The following XRCC4 variants were observed in gnomAD, a reference collection of about 807,000 sequenced individuals.
XRCC4 encodes the protein X-ray repair cross complementing 4, also known as DNA repair protein XRCC4.
In XRCC4, 28 loss-of-function variants were observed where a neutral mutation model predicts 39.1. The observed-to-expected ratio is 0.72, with a 90% confidence interval of 0.53 to 0.98. The LOEUF is 0.98. Ranked by LOEUF, XRCC4 falls within the 50% of genes least tolerant of loss-of-function variation. The pLI is 0.00. For synonymous variants in XRCC4, 123 were observed against 126.4 expected (o/e 0.97, Z 0.18); for missense variants, 350 against 376.4 (o/e 0.93, Z 0.58).
At chr5:83,238,729 A>C (rs969902558) in intron 6 of XRCC4, among the ~76,000 whole-genome samples, 2 of 152,112 alleles carry the variant, frequency 1.3e-5, no homozygotes. Context: ...TTTATTTTTC[A>C]TAAAAGAAGT....
intron 3 of XRCC4, among the ~76,000 whole-genome samples, chr5:83,158,012 T>C (rs1485171699): frequency 6.6e-6 from 1 of 152,116 alleles, no homozygotes; most frequent in Non-Finnish European, 1.5e-5. Context: ...GTACATTATA[T>C]GGGTAATATT....
At chr5:83,292,881 T>C (rs1358953070) in intron 7 of XRCC4, among the ~76,000 whole-genome samples, 1 of 151,974 alleles carries the variant, frequency 6.6e-6, no homozygotes, top group Non-Finnish European at 1.5e-5. Context: ...TTAGTTTTTA[T>C]GAAAAGAAGA....
At chr5:83,126,422 A>G (rs966004100) in intron 3 of XRCC4, among the ~76,000 whole-genome samples, 3 of 151,892 alleles carry the variant, frequency 2.0e-5, no homozygotes, top group Non-Finnish European at 4.4e-5. Flanking sequence ...TTTTGTTGTT[A>G]TTGTTGTTTG....
intron 7 of XRCC4, among the ~76,000 whole-genome samples, chr5:83,281,101 C>G (rs920670068): frequency 3.9e-5 from 6 of 152,206 alleles, no homozygotes; most frequent in African/African-American, 1.4e-4. Flanking sequence ...GTATAGTTAG[C>G]TATAAGAATA....
chr5:83,302,464 G>C (rs151251244), intron 7 of XRCC4, among the ~76,000 whole-genome samples: 1 of 152,106 alleles, frequency 6.6e-6, no homozygotes, highest in Non-Finnish European at 1.5e-5. Context: ...GATCCCTTGC[G>C]CTTCCCAGGT....
intron 6 of XRCC4, among the ~76,000 whole-genome samples, chr5:83,209,706 A>G (rs1390850244): frequency 6.6e-6 from 1 of 152,076 alleles, no homozygotes; most frequent in East Asian, 1.9e-4. Context: ...TATAATCAGT[A>G]TTTCAAAATT....
intron 3 of XRCC4, among the ~76,000 whole-genome samples, chr5:83,123,769 T>C (rs1050413186): frequency 2.0e-5 from 3 of 152,130 alleles, no homozygotes; most frequent in African/African-American, 7.2e-5. Flanking sequence ...TGAAGTGATA[T>C]ACTACTTCAC....
At chr5:83,141,798 A>T (rs976071046) in intron 3 of XRCC4, among the ~76,000 whole-genome samples, 1 of 151,970 alleles carries the variant, frequency 6.6e-6, no homozygotes, top group African/African-American at 2.4e-5. Flanking sequence ...CCAAAATATT[A>T]ATCTGGAACA....
intron 7 of XRCC4, among the ~76,000 whole-genome samples, chr5:83,286,423 A>G (rs1403620375): frequency 1.3e-5 from 2 of 152,164 alleles, no homozygotes; most frequent in Admixed American, 1.3e-4. Flanking sequence ...GATGGCAATA[A>G]TAAGAGCAGC....
At chr5:83,227,781 T>C (rs1381786987) in intron 6 of XRCC4, among the ~76,000 whole-genome samples, 1 of 152,120 alleles carries the variant, frequency 6.6e-6, no homozygotes, top group African/African-American at 2.4e-5. Flanking sequence ...ACTCAGGCTT[T>C]TTCTCTCATG....
intron 3 of XRCC4, among the ~76,000 whole-genome samples, chr5:83,175,234 A>G (rs932098565): frequency 7.2e-5 from 11 of 152,210 alleles, no homozygotes; most frequent in Non-Finnish European, 1.6e-4. Flanking sequence ...GTTATTTAGT[A>G]GTAAATGTTA....
At chr5:83,085,166 A>G (rs1442770147) in intron 1 of XRCC4, among the ~76,000 whole-genome samples, 6 of 152,216 alleles carry the variant, frequency 3.9e-5, no homozygotes, top group Non-Finnish European at 8.8e-5. Flanking sequence ...GCAGTGAATG[A>G]GAATTTTATT....
intron 6 of XRCC4, among the ~76,000 whole-genome samples, chr5:83,228,879 A>G (rs1203533262): frequency 2.0e-5 from 3 of 151,968 alleles, no homozygotes; most frequent in Non-Finnish European, 4.4e-5. Context: ...TTTTCGATTA[A>G]GAAGTAATCA....
chr5:83,329,954 G>GT (rs2112162370), intron 7 of XRCC4, among the ~76,000 whole-genome samples: 1 of 152,172 alleles, frequency 6.6e-6, no homozygotes, highest in African/African-American at 2.4e-5. Flanking sequence ...TTAATTTTCT[G>GT]TTTTGACGGT....
chr5:83,141,262 C>T (rs1748159168), intron 3 of XRCC4, among the ~76,000 whole-genome samples: 1 of 152,158 alleles, frequency 6.6e-6, no homozygotes, highest in Non-Finnish European at 1.5e-5. Flanking sequence ...AACAACACTG[C>T]AATGAATAAC....
intron 3 of XRCC4, among the ~76,000 whole-genome samples, chr5:83,180,854 C>T (rs1246304946): frequency 6.6e-6 from 1 of 152,020 alleles, no homozygotes; most frequent in Non-Finnish European, 1.5e-5. Context: ...TGTTCTGTAG[C>T]CATAGCAAAT....
rs998179121 is a variant in XRCC4 at position 83,299,169 on chromosome 5, T to C, written c.893+40492T>C. On this transcript the variant is annotated intron_variant, in intron 7 of 7. Transcript: ENST00000396027. The stretch of plus-strand genomic sequence containing the variant: ...AACTGAAAATATTTTTATTTTACTT[T>C]TGATTTTTGGAAAAAATTCTACTGG... Among the ~76,000 whole-genome samples, 3 of 152,226 alleles carry C rather than the reference T, an allele frequency of 2.0e-5. No homozygotes were observed. The East Asian group carries it at 5.8e-4, about 29-fold the overall frequency.
At chr5:83,366,010 C>T in the XRCC4 span, among the ~76,000 whole-genome samples, 12 of 152,244 alleles carry the variant, frequency 7.9e-5, no homozygotes, top group African/African-American at 2.9e-4. Context: ...TCAGCTTATG[C>T]CCCCTAGTAA....
chr5:83,347,624 C>G (rs1756955298), intron 7 of XRCC4, among the ~76,000 whole-genome samples: 1 of 152,190 alleles, frequency 6.6e-6, no homozygotes, highest in Non-Finnish European at 1.5e-5. Context: ...TTGGGGATTA[C>G]ACTTCAACAT....
Sources: gnomAD v4.1 joint callset for allele counts (sites outside exome capture counted in the v4.1 genomes callset) on GRCh38, gnomAD v4.1.1 for gene constraint, MANE v1.5 for transcripts, NCBI Gene and HGNC (gene_info 2026-07-23, HGNC 2026-07-21) for gene names.